GTF2F2: variants seen among roughly 807,000 people sequenced by gnomAD.
GTF2F2 encodes the protein ATP-dependent helicase GTF2F2.
GTF2F2 carries 23 observed loss-of-function variants against 42.2 expected under a neutral mutation model. The observed-to-expected ratio is 0.55, with a 90% CI of 0.39 to 0.77. The LOEUF (loss-of-function observed/expected upper bound fraction) is 0.77. Ranked by LOEUF, GTF2F2 falls within the 30% of genes least tolerant of loss-of-function variation. The probability of loss-of-function intolerance (pLI) is 0.00; values close to 1 mark genes in which losing one functional copy is unlikely to be tolerated. For synonymous variants in GTF2F2, 105 were observed against 100.8 expected (o/e 1.04, Z -0.25); for missense variants, 261 against 287.2 (o/e 0.91, Z 0.66).
chr13:45,273,630 C>T (rs191951091), intron 7 of GTF2F2, among the ~76,000 whole-genome samples: 3 of 144,844 alleles, frequency 2.1e-5, no homozygotes, highest in Non-Finnish European at 3.0e-5. Context: ...CCTTCCAGTC[C>T]CACTTGATTT....
At chr13:45,281,157 G>A (rs561451636) in intron 7 of GTF2F2, among the ~76,000 whole-genome samples, 3 of 152,090 alleles carry the variant, frequency 2.0e-5, no homozygotes, top group African/African-American at 4.8e-5. Flanking sequence ...TCATTCACAC[G>A]GGTCTGCTAG....
In GTF2F2 at chr13:45,260,681, A is replaced by G. The variant is rs112308355; in HGVS notation, c.487-6552A>G. 4.3e-3 allele frequency among the ~76,000 whole-genome samples: 651 copies of G among 152,318 alleles called. 12 individuals carry two copies. Among genetic ancestry groups the G allele is most frequent in the African/African-American group, 0.015 (618 of 41,566 alleles). On this transcript the variant is annotated intron_variant, in intron 6 of 7. Coordinates refer to ENST00000340473, the MANE Select transcript of GTF2F2 (RefSeq NM_004128.3). ...AGCTTCAGTAATGATGGTTGAACAT[A>G]TATATACCAAATCCACAAAGGATTG...
chr13:45,124,228 G>A (rs1868846189), intron 1 of GTF2F2: 1 of 322,920 alleles, frequency 3.1e-6, no homozygotes, highest in Admixed American at 3.8e-5. Flanking sequence ...GACTATAGGT[G>A]CCTGCTACCA....
chr13:45,233,857 G>C (rs1173596673), intron 5 of GTF2F2, among the ~76,000 whole-genome samples: 1 of 152,016 alleles, frequency 6.6e-6, no homozygotes, highest in East Asian at 1.9e-4. Flanking sequence ...AGGTTGCAGT[G>C]AACCGAGATC....
chr13:45,195,360 A>G lies in GTF2F2; in HGVS notation c.305-12064A>G, dbSNP rs150196128. On this transcript the variant is annotated intron_variant, in intron 4 of 7. Transcript: ENST00000340473. ...GCTTAAGATTTTCTGTGGAAAATTCATGAACTTGTTTCACTCGGAGCCTGC... is the reference window on the plus strand; with the variant it reads ...GCTTAAGATTTTCTGTGGAAAATTCGTGAACTTGTTTCACTCGGAGCCTGC... Among the ~76,000 whole-genome samples the G allele has an allele frequency of 2.2e-3, 338 of 152,242 alleles. 5 individuals carry two copies. Among genetic ancestry groups the G allele is most frequent in the African/African-American group, 7.7e-3 (319 of 41,530 alleles).
chr13:45,168,124 A>C lies in GTF2F2; in HGVS notation c.304+16293A>C, dbSNP rs535626028. 1.1e-3 allele frequency among the ~76,000 whole-genome samples: 166 copies of C among 152,354 alleles called. 2 individuals are homozygous for C. The highest frequency in any genetic ancestry group is 3.5e-3 in the African/African-American group (145 of 41,582). ...AAAAGTCTGGTTTAGAGCACTTCTCAACCCCTTTTCTGCTGCTTCTAGGTG... is the reference window on the plus strand; with the variant it reads ...AAAAGTCTGGTTTAGAGCACTTCTCCACCCCTTTTCTGCTGCTTCTAGGTG... On this transcript the variant is annotated intron_variant, in intron 4 of 7. Coordinates refer to ENST00000340473, the MANE Select transcript of GTF2F2 (RefSeq NM_004128.3).
At chr13:45,271,214 C>A (rs776124664) in intron 7 of GTF2F2, among the ~76,000 whole-genome samples, 3 of 151,768 alleles carry the variant, frequency 2.0e-5, no homozygotes, top group Admixed American at 6.6e-5. Flanking sequence ...TGGTGTGAAC[C>A]CGGGAGGCGG....
chr13:45,171,041 G>A (rs1343873957), intron 4 of GTF2F2, among the ~76,000 whole-genome samples: 3 of 150,552 alleles, frequency 2.0e-5, no homozygotes, highest in South Asian at 2.1e-4. Flanking sequence ...TGACATAGCC[G>A]TGAAAATGCT....
At chr13:45,129,776 TAAAC>T (rs1255331844) in intron 1 of GTF2F2, among the ~76,000 whole-genome samples, 2 of 152,136 alleles carry the variant, frequency 1.3e-5, no homozygotes, top group Non-Finnish European at 2.9e-5. Flanking sequence ...GAATAGACGA[TAAAC>T]AAATACATTT....
intron 6 of GTF2F2, among the ~76,000 whole-genome samples, chr13:45,264,185 C>T (rs919526033): frequency 7.2e-6 from 1 of 139,516 alleles, no homozygotes; most frequent in African/African-American, 2.9e-5. Context: ...GTCTGTTTTT[C>T]TAATTTTAAA....
chr13:45,262,176 A>G (rs1277226934), intron 6 of GTF2F2, among the ~76,000 whole-genome samples: 5 of 152,142 alleles, frequency 3.3e-5, no homozygotes, highest in African/African-American at 1.2e-4. Flanking sequence ...GTTTGAGACC[A>G]ACCTCGGCAG....
At chr13:45,236,016 G>A (rs1447205339) in intron 5 of GTF2F2, among the ~76,000 whole-genome samples, 1 of 152,186 alleles carries the variant, frequency 6.6e-6, no homozygotes, top group Non-Finnish European at 1.5e-5. Context: ...AGGTCTTATT[G>A]TAGTAGTCTT....
At chr13:45,184,232 A>G (rs1872304489) in intron 4 of GTF2F2, among the ~76,000 whole-genome samples, 1 of 152,070 alleles carries the variant, frequency 6.6e-6, no homozygotes, top group Admixed American at 6.6e-5. Context: ...GGAAACAACC[A>G]TAGATGATTT....
rs980553562 is a variant in GTF2F2, at chr13:45,219,043, T to TA, written c.386+11546dup. Among the ~76,000 whole-genome samples the TA allele has an allele frequency of 9.9e-5, 15 of 151,770 alleles. No individual in the cohort carries two copies. In the East Asian group the frequency reaches 1.2e-3, roughly 12 times the overall value. Reference sequence around the variant, plus strand: ...TTTTTTTGTTTTGTTTTGTTTTTTTTAAAAAAAAGGCTGCTCAAAGGAAAT... The same window carrying TA: ...TTTTTTTGTTTTGTTTTGTTTTTTTTAAAAAAAAAGGCTGCTCAAAGGAAAT... On this transcript the variant is annotated intron_variant, in intron 5 of 7. Transcript: ENST00000340473.
chr13:45,197,549 A>G (rs1022369782), intron 4 of GTF2F2, among the ~76,000 whole-genome samples: 3 of 150,916 alleles, frequency 2.0e-5, no homozygotes, highest in African/African-American at 7.3e-5. Context: ...GCCCCGCTGT[A>G]TGCCTAATAC....
At chr13:45,270,607 A>C (rs1876749382) in intron 7 of GTF2F2, among the ~76,000 whole-genome samples, 1 of 152,176 alleles carries the variant, frequency 6.6e-6, no homozygotes, top group South Asian at 2.1e-4. Flanking sequence ...CCCAATTCTT[A>C]CTACTGCCAC....
At chr13:45,213,380 T>G (rs537098036) in intron 5 of GTF2F2, among the ~76,000 whole-genome samples, 130 of 152,114 alleles carry the variant, frequency 8.5e-4, no homozygotes, top group African/African-American at 2.8e-3. Context: ...GGCCCCAGCT[T>G]CTACCTAGGA....
rs142613428 is a variant in GTF2F2, at chr13:45,179,262, CCATTATCA to C, written c.304+27437_304+27444del. Among the ~76,000 whole-genome samples, 977 of 152,308 alleles carry C rather than the reference CCATTATCA, an allele frequency of 6.4e-3. 11 individuals carry two copies. Among genetic ancestry groups the C allele is most frequent in the African/African-American group, 0.022 (933 of 41,572 alleles). ...TTCAGTCATCTTCAGAGATAGTCTA[CCATTATCA>C]CATTAAACCATGCTCAAGGCTTGAG... On this transcript the variant is annotated intron_variant, in intron 4 of 7. Coordinates refer to ENST00000340473, the MANE Select transcript of GTF2F2 (RefSeq NM_004128.3).
rs568685258 is a variant in GTF2F2 at position 45,247,497 on chromosome 13, A to C, written c.387-5374A>C. Among the ~76,000 whole-genome samples, 19 of 151,750 alleles carry C rather than the reference A, an allele frequency of 1.3e-4. 1 individual carries two copies. Among genetic ancestry groups the C allele is most frequent in the African/African-American group, 4.1e-4 (17 of 41,418 alleles). On this transcript the variant is annotated intron_variant, in intron 5 of 7. Transcript: ENST00000340473. ...AACCTCCGCCTCCTGGCTTCAAGCA[A>C]TTCTCCTGCCTCAGCCTCCCAAGTA...
Sources: allele counts gnomAD v4.1 joint callset (sites outside exome capture counted in the v4.1 genomes callset), GRCh38; gene constraint gnomAD v4.1.1; transcripts MANE v1.5; gene names NCBI Gene and HGNC (gene_info 2026-07-23, HGNC 2026-07-21).